The following CNTNAP2 variants were observed in gnomAD, a reference collection of about 807,000 sequenced individuals.
CNTNAP2 encodes contactin associated protein 2, also known as contactin-associated protein-like 2.
Under a neutral mutation model 155.2 loss-of-function variants are expected in CNTNAP2, and 98 were observed. That is an observed-to-expected ratio of 0.63 (90% confidence interval 0.54 to 0.75). The LOEUF (loss-of-function observed/expected upper bound fraction) is 0.75, where lower values mean the gene tolerates loss of function less well. CNTNAP2 is among the 30% of genes least tolerant of loss of function. CNTNAP2 has a pLI of 0.00. For missense variants in CNTNAP2, 1,727 were observed against 1,688.1 expected (o/e 1.02, Z -0.40); for synonymous variants, 651 against 631.2 (o/e 1.03, Z -0.47).
chr7:147,211,028 T>A (rs575948511), intron 8 of CNTNAP2, among the ~76,000 whole-genome samples: 7 of 151,548 alleles, frequency 4.6e-5, no homozygotes, highest in African/African-American at 1.5e-4. Flanking sequence ...TTTTTTTTTT[T>A]ATTTATTGAG....
intron 13 of CNTNAP2, among the ~76,000 whole-genome samples, chr7:147,801,468 C>A (rs543384707): frequency 8.6e-5 from 13 of 151,832 alleles, no homozygotes; most frequent in Admixed American, 5.9e-4. Flanking sequence ...GAGCACCCTG[C>A]GGCCTTCCGC....
In CNTNAP2 at chr7:148,217,365, A is replaced by G. The variant is rs150797800; in HGVS notation, c.3088A>G (p.Ser1030Gly). Reference protein sequence around the residue: ...QAPATNARDSSSRVDNAPDQQ... With the variant: ...QAPATNARDSGSRVDNAPDQQ... ...ACCAGCAACAAATGCCAGAGACTCC[A>G]GCAGCAGAGTAGACAACGCTCCCGA... Residue 1030 changes from serine to glycine, a missense_variant, in exon 19 of 24, where the codon AGC (serine) becomes GGC (glycine). By Grantham distance (56) the Ser-to-Gly change is moderately conservative. Transcript: ENST00000361727. 1 of 1,614,130 alleles carries G rather than the reference A, an allele frequency of 6.2e-7. No homozygotes were observed. Among genetic ancestry groups the G allele is most frequent in the Non-Finnish European group, 8.5e-7 (1 of 1,180,024 alleles).
chr7:148,403,112 A>G (rs150676047), intron 22 of CNTNAP2, among the ~76,000 whole-genome samples: 1 of 150,598 alleles, frequency 6.6e-6, no homozygotes, highest in African/African-American at 2.5e-5. Flanking sequence ...AGTAGTGCAT[A>G]TGTGTGTGGG....
At chr7:148,312,483 CAA>C (rs986255184) in intron 21 of CNTNAP2, among the ~76,000 whole-genome samples, 14 of 151,986 alleles carry the variant, frequency 9.2e-5, no homozygotes, top group African/African-American at 2.9e-4. Flanking sequence ...CAAGTGAAAG[CAA>C]AGAGAGGCTG....
chr7:147,457,598 GCA>G (rs1364849174), intron 10 of CNTNAP2, among the ~76,000 whole-genome samples: 1 of 150,620 alleles, frequency 6.6e-6, no homozygotes, highest in Non-Finnish European at 1.5e-5. Context: ...CTTCGCTGTT[GCA>G]TTCTGAGAGC....
At chr7:147,902,800 G>GTGTGTGTA (rs1563129543) in intron 13 of CNTNAP2, among the ~76,000 whole-genome samples, 4 of 130,120 alleles carry the variant, frequency 3.1e-5, no homozygotes, top group African/African-American at 1.1e-4. Context: ...GTGTGTGTGT[G>GTGTGTGTA]TGTGTGTGTG....
intron 9 of CNTNAP2, among the ~76,000 whole-genome samples, chr7:147,340,520 A>G (rs994577622): frequency 6.6e-5 from 10 of 152,058 alleles, no homozygotes; most frequent in African/African-American, 1.9e-4. Context: ...ATACTAAGCA[A>G]TTTATCTTGG....
chr7:146,621,023 G>C (rs998678720), intron 1 of CNTNAP2, among the ~76,000 whole-genome samples: 6 of 151,878 alleles, frequency 4.0e-5, no homozygotes, highest in Admixed American at 1.3e-4. Flanking sequence ...TCCTCATTTA[G>C]CTACATTGAA....
intron 12 of CNTNAP2, among the ~76,000 whole-genome samples, chr7:147,638,150 C>T (rs1795212154): frequency 6.6e-6 from 1 of 152,150 alleles, no homozygotes; most frequent in Non-Finnish European, 1.5e-5. Context: ...TTCAGATTGG[C>T]CCATCTTTGG....
chr7:146,750,356 G>C (rs1322128092), intron 1 of CNTNAP2, among the ~76,000 whole-genome samples: 5 of 152,022 alleles, frequency 3.3e-5, no homozygotes, highest in African/African-American at 7.3e-5. Context: ...TCTCTGCTCT[G>C]TATGCTCAGC....
intron 12 of CNTNAP2, among the ~76,000 whole-genome samples, chr7:147,584,820 AGGCCTCTCTCTGCTGAGGT>A (rs1030864410): frequency 5.4e-4 from 82 of 152,312 alleles, no homozygotes; most frequent in African/African-American, 1.6e-3. Flanking sequence ...ATGCTTACAC[AGGCCTCTCTCTGCTGAGGT>A]GGCCTCTTGG....
intron 13 of CNTNAP2, among the ~76,000 whole-genome samples, chr7:147,797,583 A>T (rs368233326): frequency 9.9e-5 from 15 of 152,256 alleles, no homozygotes; most frequent in African/African-American, 3.1e-4. Flanking sequence ...AGTTTTAGAA[A>T]CACAAAGTAA....
At position 146,152,880 on chromosome 7, in the gene CNTNAP2, C is replaced by T. The variant is rs534060623; in HGVS notation, c.97+35907C>T. ...TCAACAGGAAATTGTTCTGAAAGTG[C>T]TCTACCCATCAACCTTCAATATAAA... On this transcript the variant is annotated intron_variant, in intron 1 of 23. Coordinates refer to ENST00000361727, the MANE Select transcript of CNTNAP2 (RefSeq NM_014141.6). Among the ~76,000 whole-genome samples the T allele has an allele frequency of 3.3e-5, 5 of 152,206 alleles. No homozygotes were observed. In the East Asian group the frequency reaches 9.7e-4, roughly 30 times the overall value.
chr7:147,045,515 A>C (rs1278103005), intron 4 of CNTNAP2, among the ~76,000 whole-genome samples: 1 of 152,214 alleles, frequency 6.6e-6, no homozygotes, highest in Non-Finnish European at 1.5e-5. Context: ...TTTGGTTACC[A>C]TTTTATTGTA....
chr7:146,346,528 A>G (rs1389306062), intron 1 of CNTNAP2, among the ~76,000 whole-genome samples: 1 of 152,106 alleles, frequency 6.6e-6, no homozygotes, highest in Non-Finnish European at 1.5e-5. Flanking sequence ...CTAAAAATAC[A>G]CAAATTAGCT....
intron 1 of CNTNAP2, among the ~76,000 whole-genome samples, chr7:146,605,680 G>T (rs1177433332): frequency 6.6e-6 from 1 of 152,098 alleles, no homozygotes; most frequent in Non-Finnish European, 1.5e-5. Flanking sequence ...ATTAGCATTT[G>T]AATCCACAAA....
intron 3 of CNTNAP2, among the ~76,000 whole-genome samples, chr7:147,042,029 T>A (rs2129254505): frequency 6.6e-6 from 1 of 152,324 alleles, no homozygotes; most frequent in African/African-American, 2.4e-5. Context: ...AACAGCTGGC[T>A]AGAAAAGTAC....
chr7:148,351,744 C>CAAAAAAAAAAAAAAAAAAAAAAAAAAT (rs71188974), intron 21 of CNTNAP2, among the ~76,000 whole-genome samples: 1 of 85,396 alleles, frequency 1.2e-5, no homozygotes, highest in African/African-American at 5.1e-5. Context: ...CTCTGTCTCA[C>CAAAAAAAAAAAAAAAAAAAAAAAAAAT]AAAAAAAAAA....
rs73467069 is a variant in CNTNAP2 at position 147,061,616 on chromosome 7, G to T, written c.550+17562G>T. On this transcript the variant is annotated intron_variant, in intron 4 of 23. Coordinates refer to ENST00000361727, the MANE Select transcript of CNTNAP2 (RefSeq NM_014141.6). ...GAGACTAGTTGTGATACTTACAGTG[G>T]CCCCTGTTTGTATTTCCTCCTCCAC... is the stretch of plus-strand genomic sequence containing the variant. 6.5e-3 allele frequency among the ~76,000 whole-genome samples: 982 copies of T among 152,246 alleles called. 9 individuals are homozygous for T. The highest frequency in any genetic ancestry group is 0.022 in the African/African-American group (930 of 41,548).
Sources: allele counts gnomAD v4.1 joint callset (sites outside exome capture counted in the v4.1 genomes callset), GRCh38; gene constraint gnomAD v4.1.1; transcripts MANE v1.5; gene names NCBI Gene and HGNC (gene_info 2026-07-23, HGNC 2026-07-21).